The following GALK2 variants were observed in gnomAD, a reference collection of about 807,000 sequenced individuals.
The protein encoded by GALK2 is N-acetylgalactosamine kinase.
Under a neutral mutation model 52.4 loss-of-function variants are expected in GALK2, and 36 were observed. That is an observed-to-expected ratio of 0.69 (90% confidence interval 0.53 to 0.91). The LOEUF (loss-of-function observed/expected upper bound fraction) is 0.91. Among genes scored for constraint, GALK2 ranks in the 40% least tolerant of loss-of-function variants. The pLI, the probability that GALK2 is intolerant of heterozygous loss-of-function variation, is 0.00. For missense variants in GALK2, 579 were observed against 559.1 expected (o/e 1.04, Z -0.36); for synonymous variants, 176 against 199.1 (o/e 0.88, Z 0.98).
intron 3 of GALK2, among the ~76,000 whole-genome samples, chr15:49,222,863 CA>C (rs775179879): frequency 3.9e-5 from 6 of 152,134 alleles, no homozygotes; most frequent in Non-Finnish European, 7.4e-5. Flanking sequence ...GTTTTTGTTA[CA>C]CCTTTCTCTA....
chr15:49,321,283 C>T (rs1366875089), intron 9 of GALK2, among the ~76,000 whole-genome samples: 1 of 151,956 alleles, frequency 6.6e-6, no homozygotes, highest in Non-Finnish European at 1.5e-5. Flanking sequence ...AGGTGTGAGG[C>T]TCAGCAGGAT....
At chr15:49,270,175 T>G (rs1002750316) in intron 5 of GALK2, among the ~76,000 whole-genome samples, 91 of 152,292 alleles carry the variant, frequency 6.0e-4, no homozygotes, top group African/African-American at 2.1e-3. Flanking sequence ...ATCCAAAATA[T>G]TCAGTAAGGT....
chr15:49,221,669 G>GA (rs1387294577), intron 3 of GALK2, among the ~76,000 whole-genome samples: 2 of 150,968 alleles, frequency 1.3e-5, no homozygotes, highest in African/African-American at 2.4e-5. Flanking sequence ...TCTCTGTCTT[G>GA]AAAAAAATAA....
At chr15:49,308,037 T>A (rs1048462310) in intron 8 of GALK2, among the ~76,000 whole-genome samples, 4 of 152,362 alleles carry the variant, frequency 2.6e-5, no homozygotes, top group African/African-American at 9.6e-5. Context: ...TTAACATTTT[T>A]AAAAAATATT....
At position 49,181,873 on chromosome 15, in the gene GALK2, A is replaced by G. The variant is rs142075363; in HGVS notation, c.53+11498A>G. Among the ~76,000 whole-genome samples, 50 of 152,114 alleles carry G rather than the reference A, an allele frequency of 3.3e-4. 1 individual carries two copies. The East Asian group carries it at 8.1e-3, about 25-fold the overall frequency. The stretch of plus-strand genomic sequence containing the variant: ...TTTTTATTTTTTATGGGTACATAAT[A>G]TAGATGTATATATTTATGGGGTACA... On this transcript the variant is annotated intron_variant, in intron 1 of 9. Coordinates refer to ENST00000560031, the MANE Select transcript of GALK2 (RefSeq NM_002044.4).
rs115739728 is a variant in GALK2 at position 49,286,468 on chromosome 15, A to G, written c.756+2750A>G. ...ACTTAGCACTTCTCCTCTTACTTCT[A>G]TCCTCTGAGGTTGGGAAATTCAGGA... On this transcript the variant is annotated intron_variant, in intron 7 of 9. Coordinates refer to ENST00000560031, the MANE Select transcript of GALK2 (RefSeq NM_002044.4). Among the ~76,000 whole-genome samples, 988 of 152,278 alleles carry G rather than the reference A, an allele frequency of 6.5e-3. 16 individuals are homozygous for G. Among genetic ancestry groups the G allele is most frequent in the African/African-American group, 0.022 (932 of 41,568 alleles).
intron 1 of GALK2, chr15:49,178,378 C>CAT (rs10574188): frequency 0.34 from 51,858 of 151,134 alleles, 9,249 homozygotes; most frequent in East Asian, 0.57. Flanking sequence ...TATATATGTA[C>CAT]ATATATATAT....
intron 5 of GALK2, among the ~76,000 whole-genome samples, chr15:49,240,328 ATTTG>A (rs370337924): frequency 4.9e-4 from 75 of 152,202 alleles, no homozygotes; most frequent in African/African-American, 1.7e-3. Flanking sequence ...TTTCAATCTG[ATTTG>A]TTTATTTATT....
chr15:49,314,556 A>C (rs1196671325), intron 8 of GALK2, among the ~76,000 whole-genome samples: 1 of 152,240 alleles, frequency 6.6e-6, no homozygotes, highest in Admixed American at 6.5e-5. Flanking sequence ...GTTTTGTTAC[A>C]AGGAGAAGGA....
At position 49,328,709 on chromosome 15, in the gene GALK2, ATCT is replaced by A. The variant is rs570050686; in HGVS notation, c.*555_*557del. ...ATAATACATGATTAAAGTTTCACAG[ATCT>A]TCTTGGACATTGTATAATTGAATTT... On this transcript the variant is annotated 3_prime_UTR_variant, in exon 10 of 10. Coordinates refer to ENST00000560031, the MANE Select transcript of GALK2 (RefSeq NM_002044.4). 1.4e-4 allele frequency: 216 copies of A among 1,548,042 alleles called. 1 individual carries two copies. In the East Asian group the frequency reaches 2.7e-3, roughly 19 times the overall value.
At chr15:49,320,462 A>G (rs2036788663) in intron 9 of GALK2, among the ~76,000 whole-genome samples, 1 of 152,262 alleles carries the variant, frequency 6.6e-6, no homozygotes, top group African/African-American at 2.4e-5. Flanking sequence ...GAGATAACAG[A>G]GTTAGTCCTC....
intron 1 of GALK2, among the ~76,000 whole-genome samples, chr15:49,192,495 A>ATATATATATATATATG (rs1566921762): frequency 5.3e-4 from 9 of 17,016 alleles, no homozygotes; most frequent in Admixed American, 2.3e-3. Flanking sequence ...GTATATATAT[A>ATATATATATATATATG]TATATATATA....
chr15:49,282,264 C>G (rs2032809749), intron 6 of GALK2, among the ~76,000 whole-genome samples, 179 bp downstream of exon 6: 1 of 152,218 alleles, frequency 6.6e-6, no homozygotes. Flanking sequence ...TTAATCTACT[C>G]TATTTCATGT....
chr15:49,204,089 G>C (rs1009497873), intron 2 of GALK2, among the ~76,000 whole-genome samples: 17 of 145,630 alleles, frequency 1.2e-4, no homozygotes, highest in Non-Finnish European at 2.5e-4. Flanking sequence ...CTGCACTCCA[G>C]CAGGATTCTG....
chr15:49,340,346 T>C (rs920734508), intron 3 of GALK2, among the ~76,000 whole-genome samples: 4 of 151,912 alleles, frequency 2.6e-5, no homozygotes, highest in Non-Finnish European at 5.9e-5. Context: ...ATGGCTTCCC[T>C]TGGGTGGGAG....
At chr15:49,183,117 A>G (rs933384555) in intron 1 of GALK2, among the ~76,000 whole-genome samples, 1 of 152,106 alleles carries the variant, frequency 6.6e-6, no homozygotes, top group African/African-American at 2.4e-5. Context: ...TCAAAATACT[A>G]ACTTTTCCTT....
intron 5 of GALK2, among the ~76,000 whole-genome samples, chr15:49,245,296 G>T (rs901753728): frequency 6.6e-6 from 1 of 152,142 alleles, no homozygotes; most frequent in African/African-American, 2.4e-5. Flanking sequence ...AGTATTTGCC[G>T]TTGTACACAT....
chr15:49,225,353 A>G (rs2090070643), intron 3 of GALK2: 1 of 405,736 alleles, frequency 2.5e-6, no homozygotes, highest in Non-Finnish European at 4.9e-6. Flanking sequence ...GCAGGAGGTG[A>G]GTGGTGGGTG....
upstream of GALK2, among the ~76,000 whole-genome samples, chr15:49,168,447 G>A (rs114009348): frequency 0.017 from 2,609 of 152,102 alleles, 95 homozygotes; most frequent in African/African-American, 0.06. Flanking sequence ...GGCTGGGCAC[G>A]GTGGCTCACA....
Sources: gnomAD v4.1 joint callset for allele counts (sites outside exome capture counted in the v4.1 genomes callset) on GRCh38, gnomAD v4.1.1 for gene constraint, MANE v1.5 for transcripts, NCBI Gene and HGNC (gene_info 2026-07-23, HGNC 2026-07-21) for gene names.